RABGAP1L: variants seen among roughly 807,000 people sequenced by gnomAD.
The protein encoded by RABGAP1L is rab GTPase-activating protein 1-like.
Under a neutral mutation model 137.7 loss-of-function variants are expected in RABGAP1L, and 63 were observed. That is an observed-to-expected ratio of 0.46 (90% confidence interval 0.37 to 0.56). The LOEUF (loss-of-function observed/expected upper bound fraction) is 0.56. RABGAP1L is among the 20% of genes least tolerant of loss of function. The pLI, the probability that RABGAP1L is intolerant of heterozygous loss-of-function variation, is 0.00. For missense variants in RABGAP1L, 1,095 were observed against 1,244.0 expected, an observed-to-expected ratio of 0.88 and a Z score of 1.80; for synonymous variants, 431 against 433.7, an observed-to-expected ratio of 0.99 and a Z score of 0.08.
intron 11 of RABGAP1L, among the ~76,000 whole-genome samples, chr1:174,349,116 A>ACCCC (rs1553278428): frequency 1.3e-5 from 1 of 79,902 alleles, no homozygotes; most frequent in African/African-American, 4.6e-5. Flanking sequence ...TGACACCCCC[A>ACCCC]CCTCCCGGAC....
intron 13 of RABGAP1L, among the ~76,000 whole-genome samples, chr1:174,563,228 G>A (rs974892837): frequency 6.6e-6 from 1 of 152,164 alleles, no homozygotes; most frequent in Non-Finnish European, 1.5e-5. Flanking sequence ...GTGAGCTGTA[G>A]TGAGTGCTTA....
intron 1 of RABGAP1L, among the ~76,000 whole-genome samples, chr1:174,205,938 G>A (rs941780583): frequency 3.3e-5 from 5 of 152,184 alleles, no homozygotes; most frequent in Non-Finnish European, 7.3e-5. Context: ...TTAAGACTGA[G>A]GATGGGGACA....
intron 13 of RABGAP1L, among the ~76,000 whole-genome samples, chr1:174,395,774 A>G (rs1200746971): frequency 2.0e-5 from 3 of 151,360 alleles, no homozygotes; most frequent in Admixed American, 6.6e-5. Flanking sequence ...GCCTGAGGCC[A>G]GGAACTTGCA....
intron 6 of RABGAP1L, among the ~76,000 whole-genome samples, chr1:174,251,261 A>G (rs549611031): frequency 2.0e-5 from 3 of 151,932 alleles, no homozygotes; most frequent in Non-Finnish European, 4.4e-5. Flanking sequence ...ACACAATTGT[A>G]TATATATACC....
chr1:174,369,782 C>A (rs1427342385), intron 11 of RABGAP1L, among the ~76,000 whole-genome samples: 2 of 152,134 alleles, frequency 1.3e-5, no homozygotes, highest in Admixed American at 6.5e-5. Flanking sequence ...CTAGTGTGTA[C>A]TCTCTTTGCC....
intron 19 of RABGAP1L, among the ~76,000 whole-genome samples, chr1:174,890,268 T>C (rs949724188): frequency 2.0e-5 from 3 of 152,118 alleles, no homozygotes; most frequent in Non-Finnish European, 2.9e-5. Flanking sequence ...GTAGGTGCTG[T>C]TTGTCCTATA....
chr1:174,219,651 A>T (rs762987590), intron 2 of RABGAP1L, among the ~76,000 whole-genome samples: 24 of 152,106 alleles, frequency 1.6e-4, no homozygotes, highest in Non-Finnish European at 2.9e-4. Context: ...CACTTGAGAG[A>T]CTTTTTTCTT....
chr1:174,654,896 A>ACT (rs1675849787), intron 14 of RABGAP1L, among the ~76,000 whole-genome samples: 1 of 151,848 alleles, frequency 6.6e-6, no homozygotes, highest in Non-Finnish European at 1.5e-5. Flanking sequence ...TTATGTTGAT[A>ACT]CTCTCCTTTT....
intron 10 of RABGAP1L, among the ~76,000 whole-genome samples, chr1:174,281,462 C>T (rs1675539083): frequency 6.6e-6 from 1 of 152,168 alleles, no homozygotes; most frequent in African/African-American, 2.4e-5. Context: ...AGACAGAGTG[C>T]TGATTGGTGC....
chr1:174,709,793 C>T (rs1680341728), intron 17 of RABGAP1L, among the ~76,000 whole-genome samples: 1 of 152,130 alleles, frequency 6.6e-6, no homozygotes, highest in African/African-American at 2.4e-5. Context: ...AGCTCCTTGC[C>T]AGCAAGAGAA....
chr1:174,329,039 C>CAAAA (rs59672024), intron 11 of RABGAP1L, among the ~76,000 whole-genome samples: 16 of 132,876 alleles, frequency 1.2e-4, no homozygotes, highest in Middle Eastern at 3.6e-3. Flanking sequence ...CTTAAAAATA[C>CAAAA]AAAAAAAAAA....
intron 13 of RABGAP1L, among the ~76,000 whole-genome samples, chr1:174,396,157 G>A (rs1647820165): frequency 1.3e-5 from 2 of 152,118 alleles, no homozygotes; most frequent in Non-Finnish European, 2.9e-5. Flanking sequence ...AGTTGCCAGG[G>A]GTTGGAGGAA....
intron 19 of RABGAP1L, among the ~76,000 whole-genome samples, chr1:174,946,915 A>ATATATAT (rs1362850724): frequency 1.9e-5 from 1 of 53,926 alleles, no homozygotes; most frequent in African/African-American, 9.3e-5. Context: ...AAAAAAAAAA[A>ATATATAT]AAATATATAT....
At chr1:174,477,617 T>G (rs1304127118) in intron 13 of RABGAP1L, among the ~76,000 whole-genome samples, 1 of 152,188 alleles carries the variant, frequency 6.6e-6, no homozygotes, top group East Asian at 1.9e-4. Flanking sequence ...CTGGACATCT[T>G]TTTTCTGACA....
At chr1:174,178,761 T>C (rs1393528529) in intron 1 of RABGAP1L, among the ~76,000 whole-genome samples, 1 of 152,054 alleles carries the variant, frequency 6.6e-6, no homozygotes, top group Non-Finnish European at 1.5e-5. Flanking sequence ...ATGTTCTCAC[T>C]CATAAGTGGG....
At chr1:174,718,552 A>G (rs149479014) in intron 17 of RABGAP1L, among the ~76,000 whole-genome samples, 3,235 of 152,312 alleles carry the variant, frequency 0.021, 54 homozygotes, top group Middle Eastern at 0.088. Flanking sequence ...TCAGTTGGAT[A>G]TTACCCAATT....
chr1:174,186,551 A>G (rs1273891259), intron 1 of RABGAP1L, among the ~76,000 whole-genome samples: 1 of 152,176 alleles, frequency 6.6e-6, no homozygotes, highest in East Asian at 1.9e-4. Flanking sequence ...TTCTACACCA[A>G]CCTGTAGAAA....
intron 13 of RABGAP1L, among the ~76,000 whole-genome samples, chr1:174,512,075 T>C (rs1398560928): frequency 6.6e-6 from 1 of 152,230 alleles, no homozygotes; most frequent in African/African-American, 2.4e-5. Flanking sequence ...TAATGTATAG[T>C]GATCAGGGTA....
At chr1:174,566,163 A>G (rs1382832673) in intron 13 of RABGAP1L, among the ~76,000 whole-genome samples, 3 of 152,136 alleles carry the variant, frequency 2.0e-5, no homozygotes, top group Non-Finnish European at 4.4e-5. Flanking sequence ...GTTGTTAGCT[A>G]TTTGTATCAC....
Sources: allele counts gnomAD v4.1 joint callset (sites outside exome capture counted in the v4.1 genomes callset), GRCh38; gene constraint gnomAD v4.1.1; transcripts MANE v1.5; gene names NCBI Gene and HGNC (gene_info 2026-07-23, HGNC 2026-07-21).